UTP14A: variants seen among roughly 807,000 people sequenced by gnomAD.
UTP14A encodes U3 small nucleolar RNA-associated protein 14 homolog A.
UTP14A carries 5 observed loss-of-function variants against 57.2 expected under a neutral mutation model. The observed-to-expected ratio is 0.09, with a 90% CI of 0.05 to 0.18. UTP14A has a LOEUF of 0.18. Among genes scored for constraint, UTP14A ranks in the 10% least tolerant of loss-of-function variants. The probability of loss-of-function intolerance (pLI) is 1.00; values close to 1 mark genes in which losing one functional copy is unlikely to be tolerated. For synonymous variants in UTP14A, 169 were observed against 210.9 expected (o/e 0.80, Z 1.72); for missense variants, 430 against 562.1 (o/e 0.76, Z 2.38).
chrX:129,929,382 G>A lies in UTP14A; in HGVS notation c.2090G>A (p.Arg697Lys). The change falls in exon 15 of 15, where the codon AGG (arginine) becomes AAG (lysine). Residue 697 changes from arginine to lysine, a missense_variant. Physicochemically the swap from Arg to Lys is conservative, Grantham distance 26. Around this residue, in one of 4 missense-constraint regions of UTP14A, gnomAD observed 82 missense variants for 151.4 expected, o/e 0.54. Coordinates refer to ENST00000394422, the MANE Select transcript of UTP14A (RefSeq NM_006649.4). ...TTTACCCACCATTGGCAATTTGAAAGGACCATCCAGACCCCCATAGGATCC... is the reference window on the plus strand; with the variant it reads ...TTTACCCACCATTGGCAATTTGAAAAGACCATCCAGACCCCCATAGGATCC... ...YPFTHHWQFE[R>K]TIQTPIGSTW... 1.7e-6 allele frequency: 2 copies of A among 1,211,312 alleles called. No homozygotes were observed. Among genetic ancestry groups the A allele is most frequent in the Admixed American group, 4.4e-5 (2 of 45,944 alleles).
chrX:129,915,806 G>A (rs1050589348), intron 6 of UTP14A, among the ~76,000 whole-genome samples: 2 of 109,940 alleles, frequency 1.8e-5, no homozygotes, highest in Non-Finnish European at 1.9e-5. Flanking sequence ...CAAATCCCAA[G>A]CCCTCTTAGT....
At position 129,921,197 on chromosome X, in the gene UTP14A, C is replaced by T. The variant is rs1170494343; in HGVS notation, c.958C>T (p.Arg320Cys). The T allele has an allele frequency of 2.5e-6, 3 of 1,199,018 alleles. No individual in the cohort carries two copies. The highest frequency in any genetic ancestry group is 1.8e-5 in the South Asian group (1 of 54,511). Residue 320 changes from arginine (R) to cysteine (C), a missense_variant, in exon 11 of 15, where the codon CGC (arginine) becomes TGC (cysteine). Physicochemically the swap from Arg to Cys is radical, Grantham distance 180 (BLOSUM62 -3). Around this residue, in one of 4 missense-constraint regions of UTP14A, gnomAD observed 83 missense variants for 140.4 expected, o/e 0.59. Coordinates refer to ENST00000394422, the MANE Select transcript of UTP14A (RefSeq NM_006649.4). Reference protein sequence around the residue: ...AIMAKYDLEARQAMQEQLSKN... With the variant: ...AIMAKYDLEACQAMQEQLSKN... Reference sequence around the variant, plus strand: ...ATGCTGTGACTCTTTCCTCCAGGCTCGCCAAGCTATGCAGGAACAGTTGTC... The same window carrying T: ...ATGCTGTGACTCTTTCCTCCAGGCTTGCCAAGCTATGCAGGAACAGTTGTC...
Position 129,919,136 on chromosome X carries a change from C to T in UTP14A, c.538-39C>T, listed in dbSNP as rs752420457. ...ATGTAAAGAGAGAAAGCTGTAAGAGCATGGCTTAAGACTCAGAATGTTTTG... is the reference window on the plus strand; with the variant it reads ...ATGTAAAGAGAGAAAGCTGTAAGAGTATGGCTTAAGACTCAGAATGTTTTG... On this transcript the variant is annotated intron_variant, in intron 6 of 14. Coordinates refer to ENST00000394422, the MANE Select transcript of UTP14A (RefSeq NM_006649.4). The T allele has an allele frequency of 5.0e-6, 6 of 1,209,121 alleles. No individual in the cohort carries two copies. The African/African-American group carries it at 7.0e-5, about 14-fold the overall frequency.
Position 129,926,108 on chromosome X carries a change from C to T in UTP14A, c.1939C>T (p.Arg647Cys), listed in dbSNP as rs771163573. The change falls in exon 13 of 15, where the codon CGC (arginine) becomes TGC (cysteine). Residue 647 changes from arginine to cysteine, a missense_variant. Transcript: ENST00000394422. The part of the protein sequence containing the change: ...VGLKPSAKKR[R>C]RFLIKAPEGP... ...CCTAAAGCCCAGTGCCAAGAAAAGA[C>T]GCCGGTAAGAATGCCGAAGAAAGTC... is the stretch of plus-strand genomic sequence containing the variant. The T allele has an allele frequency of 1.2e-5, 14 of 1,208,971 alleles. No individual in the cohort carries two copies. The highest frequency in any genetic ancestry group is 1.8e-5 in the South Asian group (1 of 56,738).
rs144349914 is a variant in UTP14A, at chrX:129,921,481, G to T, written c.1242G>T (p.Val414=). 845 of 1,209,788 alleles carry T rather than the reference G, an allele frequency of 7.0e-4. 1 individual carries two copies. The highest frequency in any genetic ancestry group is 2.5e-3 in the Admixed American group (116 of 45,619). ...VSESEGEERP[V]AEEEILLREF... is the part of the protein sequence containing the mutation. ...AAAGTGAGGGAGAAGAAAGACCAGT[G>T]GCAGAAGAAGAAATTTTGTTGAGAG... The change falls in exon 11 of 15, where the codon GTG becomes GTT. Residue 414 remains valine, a synonymous_variant. Transcript: ENST00000394422.
chrX:129,927,583 T>G (rs768754350), intron 14 of UTP14A, among the ~76,000 whole-genome samples: 1 of 112,034 alleles, frequency 8.9e-6, no homozygotes, highest in East Asian at 2.8e-4. Flanking sequence ...CCCAGCTCAC[T>G]GCAACCTCCA....
At chrX:129,925,246 G>T in intron 12 of UTP14A, 51 bp downstream of exon 12, 1 of 1,170,450 alleles carries the variant, frequency 8.5e-7, no homozygotes, top group Middle Eastern at 2.6e-4. Flanking sequence ...TCGTTCTTGC[G>T]CAAGGAGTAA....
chrX:129,927,208 T>TA lies in UTP14A; in HGVS notation c.2043+870dup, dbSNP rs1930137599. Reference sequence around the variant, plus strand: ...AATACAGTCATGGCAAACTGACAAATAGTTTTCTAGGAATCTCCCCTGATT... The same window carrying TA: ...AATACAGTCATGGCAAACTGACAAATAAGTTTTCTAGGAATCTCCCCTGATT... On this transcript the variant is annotated intron_variant, in intron 14 of 14. Transcript: ENST00000394422. Among the ~76,000 whole-genome samples the TA allele has an allele frequency of 2.7e-5, 3 of 110,626 alleles. No homozygotes were observed. In the South Asian group the frequency reaches 1.2e-3, roughly 43 times the overall value.
intron 6 of UTP14A, among the ~76,000 whole-genome samples, chrX:129,918,887 GA>G (rs11315972): frequency 0.064 from 6,394 of 99,980 alleles, 481 homozygotes; most frequent in African/African-American, 0.21. Context: ...AAAGAAAAAA[GA>G]AAAAAAAAAA....
rs768770671 is a variant in UTP14A at position 129,907,436 on chromosome X, A to G, written c.96A>G (p.Glu32=). ...AAGACTACCTCTTGAGTGAGAGTGA[A>G]GATGAGGTGGGTGACAATTGCTAAA... is the stretch of plus-strand genomic sequence containing the variant. ...LPKDYLLSES[E]DEGDNDGERK... Residue 32 remains glutamate, a synonymous_variant, in exon 2 of 15, where the codon GAA becomes GAG. Transcript: ENST00000394422. The G allele has an allele frequency of 1.7e-6, 2 of 1,207,481 alleles. No homozygotes were observed. The highest frequency in any genetic ancestry group is 2.2e-6 in the Non-Finnish European group (2 of 893,563).
chrX:129,919,142 T>G (rs990790788), intron 6 of UTP14A, 33 bp from the exon 7 acceptor site: 4 of 1,211,632 alleles, frequency 3.3e-6, no homozygotes, highest in Non-Finnish European at 4.5e-6. Flanking sequence ...AGAGCATGGC[T>G]TAAGACTCAG....
At chrX:129,920,104 G>A (rs1300666580) in intron 8 of UTP14A, among the ~76,000 whole-genome samples, 2 of 111,388 alleles carry the variant, frequency 1.8e-5, no homozygotes, top group Non-Finnish European at 1.9e-5. Flanking sequence ...CGGGAGGATC[G>A]CTTGAGCCCA....
chrX:129,921,151 G>C (rs1033216480), intron 10 of UTP14A, 43 bp from the exon 11 acceptor site: 1 of 1,162,943 alleles, frequency 8.6e-7, no homozygotes, highest in Non-Finnish European at 1.1e-6. Context: ...TGTTATTGCG[G>C]TCACTAATGA....
chrX:129,917,471 G>A (rs1929733473), intron 6 of UTP14A, among the ~76,000 whole-genome samples: 1 of 111,706 alleles, frequency 9.0e-6, no homozygotes, highest in African/African-American at 3.3e-5. Context: ...CTGTCTTTGT[G>A]CCTTGCCAGA....
chrX:129,915,388 G>A (rs1050615378), intron 6 of UTP14A, among the ~76,000 whole-genome samples: 14 of 109,196 alleles, frequency 1.3e-4, no homozygotes, highest in South Asian at 3.9e-4. Context: ...AGCTGGGCAC[G>A]GTGGCGGGCG....
At chrX:129,925,299 G>A in intron 12 of UTP14A, 104 bp downstream of exon 12, 1 of 1,028,675 alleles carries the variant, frequency 9.7e-7, no homozygotes, top group Non-Finnish European at 1.3e-6. Context: ...TAGTTTAGAG[G>A]TCCAGAATAG....
intron 14 of UTP14A, among the ~76,000 whole-genome samples, chrX:129,928,589 C>T (rs1335249077): frequency 2.8e-5 from 3 of 105,372 alleles, no homozygotes; most frequent in Non-Finnish European, 5.9e-5. Context: ...CCCGTCTCTA[C>T]TAAAAATACA....
intron 6 of UTP14A, among the ~76,000 whole-genome samples, chrX:129,914,934 G>A (rs371904291): frequency 6.2e-5 from 7 of 112,577 alleles, no homozygotes; most frequent in Admixed American, 2.8e-4. Flanking sequence ...CAGGCCAGAC[G>A]GATGTGGTGG....
chrX:129,907,265 TTC>T, intron 1 of UTP14A, 100 bp from the exon 2 acceptor site: 2 of 632,162 alleles, frequency 3.2e-6, no homozygotes, highest in Non-Finnish European at 4.7e-6. Flanking sequence ...ATAATAATAT[TTC>T]TTTTTTTAAT....
Sources: allele counts gnomAD v4.1 joint callset (sites outside exome capture counted in the v4.1 genomes callset), GRCh38; gene constraint gnomAD v4.1.1; regional missense constraint gnomAD v4.1.1; transcripts MANE v1.5; gene names NCBI Gene and HGNC (gene_info 2026-07-23, HGNC 2026-07-21).